The following R3HCC1L variants were observed in gnomAD, a reference collection of about 807,000 sequenced individuals.
R3HCC1L encodes the protein R3H domain and coiled-coil containing 1 like, also known as coiled-coil domain-containing protein R3HCC1L.
A neutral mutation model predicts 59.9 loss-of-function variants in R3HCC1L; 51 were observed. The observed-to-expected ratio is 0.85, with a 90% CI of 0.68 to 1.07. The LOEUF is 1.07. Among genes scored for constraint, R3HCC1L ranks in the 50% least tolerant of loss-of-function variants. R3HCC1L has a pLI of 0.00. For missense variants in R3HCC1L, 965 were observed against 933.0 expected (o/e 1.03, Z -0.45); for synonymous variants, 322 against 315.2 (o/e 1.02, Z -0.23).
At chr10:98,165,901 A>G (rs1224580168) in intron 4 of R3HCC1L, among the ~76,000 whole-genome samples, 1 of 152,032 alleles carries the variant, frequency 6.6e-6, no homozygotes, top group African/African-American at 2.4e-5. Flanking sequence ...ACCAGGTGCG[A>G]TGGCTCATGC....
intron 1 of R3HCC1L, among the ~76,000 whole-genome samples, chr10:98,149,278 T>C (rs1845933153): frequency 6.6e-6 from 1 of 152,120 alleles, no homozygotes; most frequent in African/African-American, 2.4e-5. Flanking sequence ...TTAGCTGAAG[T>C]TTTGTCGATT....
intron 5 of R3HCC1L, among the ~76,000 whole-genome samples, chr10:98,210,732 A>G (rs1371572313): frequency 2.0e-5 from 3 of 152,222 alleles, no homozygotes; most frequent in African/African-American, 7.2e-5. Flanking sequence ...GAAAGGCAGA[A>G]TCAGGATTTC....
intron 1 of R3HCC1L, among the ~76,000 whole-genome samples, chr10:98,134,924 C>T (rs1407433221): frequency 1.3e-5 from 2 of 152,196 alleles, no homozygotes; most frequent in Non-Finnish European, 2.9e-5. Context: ...GAGAGGGACC[C>T]TCCCGGGGCT....
chr10:98,196,938 A>G (rs1439030674), intron 4 of R3HCC1L, among the ~76,000 whole-genome samples: 1 of 151,882 alleles, frequency 6.6e-6, no homozygotes, highest in Admixed American at 6.6e-5. Context: ...TTTTCTTGAG[A>G]CAGGGTCTTA....
chr10:98,146,648 C>G (rs764508427), intron 1 of R3HCC1L, among the ~76,000 whole-genome samples: 1 of 152,206 alleles, frequency 6.6e-6, no homozygotes, highest in African/African-American at 2.4e-5. Flanking sequence ...GGATATCATT[C>G]TTTAAAACAT....
rs186167997 is a variant in R3HCC1L at position 98,207,096 on chromosome 10, C to T, written c.-14-1005C>T. ...ACAGGATGCGTTAGCCTTTTTTCCTCTCTGCCTTCTCATTATCTCCTTCTT... is the reference window on the plus strand; with the variant it reads ...ACAGGATGCGTTAGCCTTTTTTCCTTTCTGCCTTCTCATTATCTCCTTCTT... On this transcript the variant is annotated intron_variant, in intron 4 of 9. Transcript: ENST00000298999. Among the ~76,000 whole-genome samples the T allele has an allele frequency of 1.4e-4, 22 of 152,200 alleles. No individual in the cohort carries two copies. In the East Asian group the frequency reaches 3.9e-3, roughly 27 times the overall value.
At chr10:98,141,174 A>C (rs1389150590) in intron 1 of R3HCC1L, among the ~76,000 whole-genome samples, 1 of 152,174 alleles carries the variant, frequency 6.6e-6, no homozygotes, top group Non-Finnish European at 1.5e-5. Flanking sequence ...TACTTTCATA[A>C]ACTAGTGTGT....
chr10:98,204,550 T>G (rs1432930266), intron 4 of R3HCC1L, among the ~76,000 whole-genome samples: 1 of 152,192 alleles, frequency 6.6e-6, no homozygotes, highest in African/African-American at 2.4e-5. Context: ...TGCCTATAGT[T>G]GCAAAAGAAA....
At chr10:98,212,780 A>G (rs532726812) in intron 5 of R3HCC1L, among the ~76,000 whole-genome samples, 1 of 152,288 alleles carries the variant, frequency 6.6e-6, no homozygotes, top group Non-Finnish European at 1.5e-5. Flanking sequence ...CATAACATTG[A>G]TGTTGATAGA....
intron 4 of R3HCC1L, among the ~76,000 whole-genome samples, chr10:98,187,883 T>A (rs1850395453): frequency 6.6e-6 from 1 of 151,912 alleles, no homozygotes; most frequent in Non-Finnish European, 1.5e-5. Context: ...GCTACAGATG[T>A]GCACCACCAT....
intron 1 of R3HCC1L, among the ~76,000 whole-genome samples, chr10:98,139,678 C>T (rs183835769): frequency 2.0e-3 from 306 of 152,284 alleles, no homozygotes; most frequent in Non-Finnish European, 3.8e-3. Context: ...TGTTACTTAG[C>T]AGCAGTAAGC....
intron 5 of R3HCC1L, among the ~76,000 whole-genome samples, chr10:98,225,374 A>C (rs751052870): frequency 1.3e-5 from 2 of 152,054 alleles, no homozygotes; most frequent in Non-Finnish European, 2.9e-5. Context: ...TCTCCCTTTT[A>C]TGCCACAAAT....
chr10:98,175,304 C>T (rs544323338), intron 4 of R3HCC1L, among the ~76,000 whole-genome samples: 4 of 152,084 alleles, frequency 2.6e-5, no homozygotes, highest in Non-Finnish European at 5.9e-5. Flanking sequence ...AAAGAGATGT[C>T]ATTTTTTTCA....
intron 4 of R3HCC1L, among the ~76,000 whole-genome samples, chr10:98,170,359 A>T (rs1848399944): frequency 6.6e-6 from 1 of 152,130 alleles, no homozygotes; most frequent in South Asian, 2.1e-4. Context: ...TCTGTCACCC[A>T]GGCTGGAGTA....
At chr10:98,162,393 A>C (rs951947571) in intron 2 of R3HCC1L, among the ~76,000 whole-genome samples, 1 of 152,194 alleles carries the variant, frequency 6.6e-6, no homozygotes, top group African/African-American at 2.4e-5. Context: ...CATATTAATA[A>C]AATGTATACC....
Position 98,148,951 on chromosome 10 carries a change from T to G in R3HCC1L, c.-267-7142T>G, listed in dbSNP as rs560208747. The stretch of plus-strand genomic sequence containing the variant: ...GGAAGAGTATGAGCAGAATTGGTAT[T>G]CTTTGAATGTCTGGTAGAATTCACC... On this transcript the variant is annotated intron_variant, in intron 1 of 9. Coordinates refer to ENST00000298999, the MANE Select transcript of R3HCC1L (RefSeq NM_001351015.2). 2.6e-5 allele frequency among the ~76,000 whole-genome samples: 4 copies of G among 152,294 alleles called. No individual in the cohort carries two copies. In the East Asian group the frequency reaches 7.7e-4, roughly 29 times the overall value.
chr10:98,188,491 G>C (rs1450241105), intron 4 of R3HCC1L, among the ~76,000 whole-genome samples: 2 of 152,098 alleles, frequency 1.3e-5, no homozygotes, highest in Admixed American at 6.6e-5. Context: ...CCTGTGTTTG[G>C]ATCCATTATA....
intron 1 of R3HCC1L, among the ~76,000 whole-genome samples, chr10:98,155,340 C>T (rs1378957226): frequency 6.6e-6 from 1 of 152,156 alleles, no homozygotes; most frequent in African/African-American, 2.4e-5. Flanking sequence ...ACTGTCTACT[C>T]AATTGGTAAT....
intron 2 of R3HCC1L, among the ~76,000 whole-genome samples, chr10:98,156,679 G>A (rs1590449141): frequency 6.6e-6 from 1 of 152,320 alleles, no homozygotes; most frequent in Middle Eastern, 3.4e-3. Flanking sequence ...GAATGATTAC[G>A]TGGGTGAGAC....
Sources: allele counts gnomAD v4.1 joint callset (sites outside exome capture counted in the v4.1 genomes callset), GRCh38; gene constraint gnomAD v4.1.1; transcripts MANE v1.5; gene names NCBI Gene and HGNC (gene_info 2026-07-23, HGNC 2026-07-21).